Variants in MYO5A observed in about 807,000 individuals in gnomAD.
MYO5A encodes unconventional myosin-Va.
Under a neutral mutation model 249.7 loss-of-function variants are expected in MYO5A, and 98 were observed. That is an observed-to-expected ratio of 0.39 (90% CI 0.33 to 0.46). The LOEUF (loss-of-function observed/expected upper bound fraction) is 0.46. Among genes scored for constraint, MYO5A ranks in the 20% least tolerant of loss-of-function variants. The pLI, the probability that MYO5A is intolerant of heterozygous loss-of-function variation, is 0.98. For missense variants in MYO5A, 1,696 were observed against 2,308.8 expected, an observed-to-expected ratio of 0.73 and a Z score of 5.44; for synonymous variants, 778 against 810.6, an observed-to-expected ratio of 0.96 and a Z score of 0.68.
At chr15:52,506,593 T>A (rs1474704629) in intron 1 of MYO5A, among the ~76,000 whole-genome samples, 1 of 151,100 alleles carries the variant, frequency 6.6e-6, no homozygotes, top group Non-Finnish European at 1.5e-5. Flanking sequence ...ATCCAGCAAT[T>A]TGGGAGGACA....
intron 25 of MYO5A, among the ~76,000 whole-genome samples, chr15:52,356,005 C>G (rs879685665): frequency 9.9e-5 from 15 of 152,108 alleles, no homozygotes; most frequent in Non-Finnish European, 1.5e-4. Flanking sequence ...ATGGAAACAA[C>G]TAACCATCAT....
chr15:52,468,685 C>A (rs1490894565), intron 1 of MYO5A, among the ~76,000 whole-genome samples: 2 of 151,812 alleles, frequency 1.3e-5, no homozygotes, highest in Admixed American at 6.6e-5. Context: ...AACATAATAA[C>A]AAAATATTTA....
intron 1 of MYO5A, among the ~76,000 whole-genome samples, chr15:52,463,467 CTTTT>C (rs1158887140): frequency 5.9e-5 from 9 of 152,140 alleles, no homozygotes; most frequent in South Asian, 4.1e-4. Flanking sequence ...AAATTGCTTT[CTTTT>C]TTTATTATTA....
chr15:52,519,783 T>G (rs1184218980), intron 1 of MYO5A, among the ~76,000 whole-genome samples: 1 of 151,622 alleles, frequency 6.6e-6, no homozygotes, highest in East Asian at 1.9e-4. Context: ...CAGGCTGGAG[T>G]GCACCGGCAC....
Position 52,450,843 on chromosome 15 carries a change from G to GTTTTTTTT in MYO5A, c.28-17566_28-17559dup, listed in dbSNP as rs56842960. On this transcript the variant is annotated intron_variant, in intron 1 of 41. Transcript: ENST00000399233. ...CTTATGATTAGATTGCACTACTGTG[G>GTTTTTTTT]TTTTTTTTTTTTTTTTTTTTTTGTG... Among the ~76,000 whole-genome samples, 116 of 84,552 alleles carry GTTTTTTTT rather than the reference G, an allele frequency of 1.4e-3. 3 individuals carry two copies. The highest frequency in any genetic ancestry group is 5.1e-3 in the African/African-American group (102 of 20,074). The allele number at this position is 84,552 out of a possible 152,430, so 55.5% of individuals were successfully genotyped here. A position where few individuals can be genotyped will look rare whatever the true frequency, so the allele number is the denominator to read the frequency against.
At chr15:52,470,429 A>T (rs1300569778) in intron 1 of MYO5A, among the ~76,000 whole-genome samples, 1 of 152,124 alleles carries the variant, frequency 6.6e-6, no homozygotes, top group Non-Finnish European at 1.5e-5. Flanking sequence ...AGGCAGGCAG[A>T]TCACCTGAGG....
chr15:52,470,762 T>G (rs1278746260), intron 1 of MYO5A, among the ~76,000 whole-genome samples: 2 of 151,494 alleles, frequency 1.3e-5, no homozygotes, highest in East Asian at 3.9e-4. Flanking sequence ...GTGGCTCACA[T>G]CGGTAATCCC....
At chr15:52,414,136 C>T (rs1409943549) in intron 5 of MYO5A, among the ~76,000 whole-genome samples, 1 of 152,118 alleles carries the variant, frequency 6.6e-6, no homozygotes, top group African/African-American at 2.4e-5. Flanking sequence ...TCTCTCGGGA[C>T]TGGATTCATT....
chr15:52,372,040 A>G, intron 21 of MYO5A, 84 bp downstream of exon 21: 1 of 1,595,590 alleles, frequency 6.3e-7, no homozygotes, highest in Non-Finnish European at 8.6e-7. Context: ...CGAAGGGTAA[A>G]GTCAAAGAAA....
At chr15:52,428,280 A>G in intron 3 of MYO5A, 118 bp downstream of exon 3, 2 of 1,056,558 alleles carry the variant, frequency 1.9e-6, no homozygotes, top group Non-Finnish European at 2.9e-6. Flanking sequence ...CGCTCAAGTG[A>G]TTTTGTCTCT....
intron 2 of MYO5A, 149 bp downstream of exon 2, chr15:52,433,026 T>G (rs1299195753): frequency 1.5e-6 from 1 of 668,042 alleles, no homozygotes; most frequent in Non-Finnish European, 2.8e-6. Context: ...GATAGAAAAC[T>G]GAGTTTGCCA....
intron 1 of MYO5A, among the ~76,000 whole-genome samples, chr15:52,465,565 G>A (rs986521092): frequency 6.6e-6 from 1 of 152,144 alleles, no homozygotes; most frequent in Non-Finnish European, 1.5e-5. Flanking sequence ...GCTAGGGCAG[G>A]AGGATTGCTT....
chr15:52,460,047 C>T (rs1183065678), intron 1 of MYO5A, among the ~76,000 whole-genome samples: 4 of 147,406 alleles, frequency 2.7e-5, no homozygotes, highest in East Asian at 2.0e-4. Flanking sequence ...ATATCTCAGA[C>T]GGGGCGGCGG....
At chr15:52,469,282 A>G (rs2076410900) in intron 1 of MYO5A, among the ~76,000 whole-genome samples, 1 of 152,220 alleles carries the variant, frequency 6.6e-6, no homozygotes, top group African/African-American at 2.4e-5. Flanking sequence ...ATTGACCAGA[A>G]GTTTTACTGA....
intron 1 of MYO5A, among the ~76,000 whole-genome samples, chr15:52,501,222 C>T (rs918172206): frequency 2.0e-5 from 3 of 152,184 alleles, no homozygotes; most frequent in Non-Finnish European, 2.9e-5. Context: ...CCACCCGCCT[C>T]GGCCTCCCAA....
chr15:52,419,982 C>T (rs1429283327), intron 4 of MYO5A, among the ~76,000 whole-genome samples: 1 of 152,076 alleles, frequency 6.6e-6, no homozygotes, highest in Non-Finnish European at 1.5e-5. Flanking sequence ...ACTGAATCCT[C>T]AATACAACAG....
intron 1 of MYO5A, among the ~76,000 whole-genome samples, chr15:52,497,535 T>C (rs911045392): frequency 5.3e-5 from 8 of 150,556 alleles, no homozygotes; most frequent in Non-Finnish European, 8.9e-5. Context: ...GGCGGGCGGA[T>C]TGCCTGAGCT....
At position 52,433,300 on chromosome 15, in the gene MYO5A, G is replaced by GA. The variant is rs1418567155; in HGVS notation, c.28-16dup. 1.8e-5 allele frequency: 27 copies of GA among 1,497,594 alleles called. No individual in the cohort carries two copies. Among genetic ancestry groups the GA allele is most frequent in the Non-Finnish European group, 2.2e-5 (24 of 1,087,284 alleles). The allele number at this position is 1,497,594 out of a possible 1,614,324, so 92.8% of individuals were successfully genotyped here. A position where few individuals can be genotyped will look rare whatever the true frequency, so the allele number is the denominator to read the frequency against. On this transcript the variant is annotated splice_polypyrimidine_tract_variant and intron_variant, in intron 1 of 41. Coordinates refer to ENST00000399233, the MANE Select transcript of MYO5A (RefSeq NM_001382347.1). Reference sequence around the variant, plus strand: ...ACCCTGGCAAACTAGAAGACAAAAAGAAAAAAATTTAAACTAGCAAATCAA... The same window carrying GA: ...ACCCTGGCAAACTAGAAGACAAAAAGAAAAAAAATTTAAACTAGCAAATCAA...
At chr15:52,402,550 A>G (rs7178069) in intron 9 of MYO5A, among the ~76,000 whole-genome samples, 7,820 of 152,240 alleles carry the variant, frequency 0.051, 578 homozygotes, top group African/African-American at 0.17. Flanking sequence ...AGTAACTTTT[A>G]AAGCTCATTT....
Sources: allele counts gnomAD v4.1 joint callset (sites outside exome capture counted in the v4.1 genomes callset), GRCh38; gene constraint gnomAD v4.1.1; transcripts MANE v1.5; gene names NCBI Gene and HGNC (gene_info 2026-07-23, HGNC 2026-07-21).